The following GAP43 variants were observed in gnomAD, a reference collection of about 807,000 sequenced individuals.
GAP43 encodes growth associated protein 43, also known as neuromodulin.
GAP43 carries 6 observed loss-of-function variants against 18.6 expected under a neutral mutation model. The observed-to-expected ratio is 0.32, with a 90% confidence interval of 0.18 to 0.64. GAP43 has a LOEUF of 0.64. GAP43 is among the 30% of genes least tolerant of loss of function. The pLI, the probability that GAP43 is intolerant of heterozygous loss-of-function variation, is 0.78. For synonymous variants in GAP43, 115 were observed against 111.4 expected (o/e 1.03, Z -0.20); for missense variants, 292 against 295.5 (o/e 0.99, Z 0.09).
At chr3:115,624,197 A>G (rs888040241) in intron 1 of GAP43, among the ~76,000 whole-genome samples, 1 of 152,194 alleles carries the variant, frequency 6.6e-6, no homozygotes, top group Non-Finnish European at 1.5e-5. Context: ...TATTTCGTGC[A>G]TGCATGAGCT....
chr3:115,649,822 A>AAAAAAAG (rs375806733), intron 1 of GAP43, among the ~76,000 whole-genome samples: 2 of 137,256 alleles, frequency 1.5e-5, no homozygotes, highest in Non-Finnish European at 1.5e-5. Flanking sequence ...AAAAAAAAAA[A>AAAAAAAG]AAAGAAAGAA....
At chr3:115,705,627 A>G (rs1326544185) in intron 2 of GAP43, among the ~76,000 whole-genome samples, 1 of 152,174 alleles carries the variant, frequency 6.6e-6, no homozygotes, top group East Asian at 1.9e-4. Flanking sequence ...TAGAAATACC[A>G]AAACATAAAA....
chr3:115,652,502 A>G (rs1708533452), intron 1 of GAP43, among the ~76,000 whole-genome samples: 1 of 150,978 alleles, frequency 6.6e-6, no homozygotes, highest in African/African-American at 2.4e-5. Context: ...CTCCCACTTC[A>G]GCTTCCCGAG....
In GAP43 at chr3:115,683,141, GCGCGCGCACACA is replaced by G. The variant is rs1177873328; in HGVS notation, c.628+6533_628+6544del. Among the ~76,000 whole-genome samples the G allele has an allele frequency of 1.7e-4, 21 of 121,390 alleles. No individual in the cohort carries two copies. In the South Asian group the frequency reaches 2.7e-3, roughly 15 times the overall value. The allele number at this position is 121,390 out of a possible 152,430, so 79.6% of individuals were successfully genotyped here. A position where few individuals can be genotyped will look rare whatever the true frequency, so the allele number is the denominator to read the frequency against. ...CATACATGTGCGCGCGCGTGCGCGC[GCGCGCGCACACA>G]CACACACACACACACACACACACAC... On this transcript the variant is annotated intron_variant, in intron 2 of 2. Transcript: ENST00000305124.
At chr3:115,711,664 A>G (rs1301248640) in intron 2 of GAP43, among the ~76,000 whole-genome samples, 1 of 152,146 alleles carries the variant, frequency 6.6e-6, no homozygotes, top group Non-Finnish European at 1.5e-5. Context: ...ATCAGTGTTT[A>G]TCTTTAGGCT....
intron 2 of GAP43, among the ~76,000 whole-genome samples, chr3:115,694,030 C>A (rs1709150841): frequency 6.6e-6 from 1 of 151,994 alleles, no homozygotes; most frequent in African/African-American, 2.4e-5. Context: ...TGGCACGTGC[C>A]CGGTGGGCTG....
intron 1 of GAP43, among the ~76,000 whole-genome samples, chr3:115,643,711 T>A (rs1387432776): frequency 6.6e-6 from 1 of 152,008 alleles, no homozygotes. Flanking sequence ...ACACTCCTTA[T>A]CTGTCCCCTT....
intron 1 of GAP43, among the ~76,000 whole-genome samples, chr3:115,667,271 A>G (rs1424256374): frequency 2.0e-5 from 3 of 152,210 alleles, no homozygotes; most frequent in African/African-American, 7.2e-5. Context: ...AACATACAGC[A>G]GATGATCATA....
intron 1 of GAP43, among the ~76,000 whole-genome samples, chr3:115,647,379 TA>T (rs1708469069): frequency 6.6e-6 from 1 of 151,960 alleles, no homozygotes; most frequent in Non-Finnish European, 1.5e-5. Context: ...CAGTGGGAAC[TA>T]AAACAGAGAA....
At position 115,676,207 on chromosome 3, in the gene GAP43, C is replaced by G; in HGVS notation, c.225C>G (p.Ala75=). The G allele has an allele frequency of 6.2e-7, 1 of 1,614,072 alleles. No individual in the cohort carries two copies. The highest frequency in any genetic ancestry group is 8.5e-7 in the Non-Finnish European group (1 of 1,180,020). The change falls in exon 2 of 3, where the codon GCC becomes GCG. Residue 75 remains alanine (A), a synonymous_variant. Transcript: ENST00000305124. The stretch of plus-strand genomic sequence containing the variant: ...ATAAGAAGGATGAAGCCCCTGTTGC[C>G]GATGGGGTGGAGAAGAAGGGAGAAG... ...EANKKDEAPV[A]DGVEKKGEGT...
At chr3:115,632,003 T>A (rs1708265986) in intron 1 of GAP43, among the ~76,000 whole-genome samples, 1 of 152,210 alleles carries the variant, frequency 6.6e-6, no homozygotes, top group Non-Finnish European at 1.5e-5. Flanking sequence ...AGAATTTAGA[T>A]AAGCCAATAT....
intron 2 of GAP43, among the ~76,000 whole-genome samples, chr3:115,706,057 G>A (rs950806161): frequency 6.6e-6 from 1 of 152,076 alleles, no homozygotes. Flanking sequence ...GCCCAGAAAC[G>A]AGAGTGTTTT....
chr3:115,628,226 G>T (rs377237205), intron 1 of GAP43, among the ~76,000 whole-genome samples: 8 of 151,786 alleles, frequency 5.3e-5, no homozygotes, highest in Admixed American at 1.3e-4. Flanking sequence ...TTGTGCTCTT[G>T]CTCCTCCCCC....
At chr3:115,661,578 T>G (rs2107480990) in intron 1 of GAP43, among the ~76,000 whole-genome samples, 1 of 152,256 alleles carries the variant, frequency 6.6e-6, no homozygotes, top group South Asian at 2.1e-4. Flanking sequence ...AAGCTCTGCC[T>G]CCCGGGTTCA....
intron 2 of GAP43, among the ~76,000 whole-genome samples, chr3:115,683,143 G>GCA (rs1263644111): frequency 1.0e-4 from 13 of 126,044 alleles, no homozygotes; most frequent in East Asian, 6.6e-4. Context: ...GTGCGCGCGC[G>GCA]CGCGCACACA....
At chr3:115,672,406 G>T (rs1328701538) in intron 1 of GAP43, among the ~76,000 whole-genome samples, 1 of 152,058 alleles carries the variant, frequency 6.6e-6, no homozygotes. Context: ...AGCCAGTTTT[G>T]GGAAATGTTC....
chr3:115,706,512 T>C lies in GAP43; in HGVS notation c.629-14282T>C, dbSNP rs543460270. Among the ~76,000 whole-genome samples, 5 of 152,352 alleles carry C rather than the reference T, an allele frequency of 3.3e-5. No homozygotes were observed. In the South Asian group the frequency reaches 8.3e-4, roughly 25 times the overall value. On this transcript the variant is annotated intron_variant, in intron 2 of 2. Transcript: ENST00000305124. The stretch of plus-strand genomic sequence containing the variant: ...TGTTTGTTTAATCAACTGGCTGCTA[T>C]TCTTTAGATGTGAAATAGAGAAGGC...
intron 2 of GAP43, among the ~76,000 whole-genome samples, chr3:115,697,920 GTT>G (rs1394409060): frequency 6.8e-6 from 1 of 146,014 alleles, no homozygotes; most frequent in African/African-American, 2.5e-5. Context: ...TGATTGGAAC[GTT>G]TTCCCATGCG....
intron 1 of GAP43, among the ~76,000 whole-genome samples, chr3:115,641,808 C>T (rs934759370): frequency 6.6e-6 from 1 of 152,058 alleles, no homozygotes; most frequent in Non-Finnish European, 1.5e-5. Context: ...TATTTAACCA[C>T]AGCATCTTTT....
Sources: allele counts gnomAD v4.1 joint callset (sites outside exome capture counted in the v4.1 genomes callset), GRCh38; gene constraint gnomAD v4.1.1; transcripts MANE v1.5; gene names NCBI Gene and HGNC (gene_info 2026-07-23, HGNC 2026-07-21).